MYT1: variants seen among roughly 807,000 people sequenced by gnomAD.
MYT1 encodes myelin transcription factor 1.
A neutral mutation model predicts 123.0 loss-of-function variants in MYT1; 23 were observed. The observed-to-expected ratio is 0.19, with a 90% CI of 0.13 to 0.26. The LOEUF (loss-of-function observed/expected upper bound fraction) is 0.26, where lower values mean the gene tolerates loss of function less well. MYT1 is among the 10% of genes least tolerant of loss of function. The probability of loss-of-function intolerance (pLI) is 1.00; values close to 1 mark genes in which losing one functional copy is unlikely to be tolerated. For missense variants in MYT1, 1,125 were observed against 1,472.5 expected, an observed-to-expected ratio of 0.76 and a Z score of 3.86; for synonymous variants, 518 against 575.3, an observed-to-expected ratio of 0.90 and a Z score of 1.43.
intron 1 of MYT1, among the ~76,000 whole-genome samples, chr20:64,181,349 C>A (rs1298841515): frequency 6.6e-6 from 1 of 152,120 alleles, no homozygotes; most frequent in Non-Finnish European, 1.5e-5. Context: ...TCTGGAACTC[C>A]CAAATCGGGT....
At position 64,211,270 on chromosome 20, in the gene MYT1, C is replaced by T. The variant is rs1364831863; in HGVS notation, c.1356C>T (p.His452=). Residue 452 remains histidine, a synonymous_variant, in exon 8 of 23, where the codon CAC becomes CAT. Transcript: ENST00000328439. ...CPTPGCDGTG[H]VTGLYPHHRS... The stretch of plus-strand genomic sequence containing the variant: ...CACCAGGCTGTGATGGCACTGGCCA[C>T]GTTACCGGGTTGTACCCTCACCACC... 6.2e-6 allele frequency: 10 copies of T among 1,614,010 alleles called. No homozygotes were observed. The highest frequency in any genetic ancestry group is 4.0e-5 in the African/African-American group (3 of 74,954).
chr20:64,237,494 A>G, intron 21 of MYT1, 104 bp downstream of exon 21: 1 of 873,424 alleles, frequency 1.1e-6, no homozygotes, highest in Non-Finnish European at 1.8e-6. Flanking sequence ...GGTTGCTGTC[A>G]GGGCTGAGCT....
rs776715295 is a variant in MYT1, at chr20:64,213,524, C to T, written c.1518-10C>T. ...GAAGGCTCAGAAACCCCTCCTCTTC[C>T]TTCCTCTAGTTTGTCTGGGTGTCCC... is the stretch of plus-strand genomic sequence containing the variant. On this transcript the variant is annotated splice_polypyrimidine_tract_variant and intron_variant, in intron 9 of 22. Transcript: ENST00000328439. The surrounding 1 kb of genome is among the most constrained non-coding windows in gnomAD (Gnocchi z 5.6). The T allele has an allele frequency of 1.2e-6, 2 of 1,612,368 alleles. No individual in the cohort carries two copies. The highest frequency in any genetic ancestry group is 1.7e-5 in the Admixed American group (1 of 60,022).
In MYT1 at chr20:64,190,884, A is replaced by C. The variant is rs1027141250; in HGVS notation, c.-1+724A>C. On this transcript the variant is annotated intron_variant, in intron 2 of 22. Coordinates refer to ENST00000328439, the MANE Select transcript of MYT1 (RefSeq NM_004535.3). This position sits in a 1 kb window ranked among gnomAD's most constrained non-coding sequence, Gnocchi z 4.1. ...CTGGGGAGGCTGAGGCAGGAGAATC[A>C]CTTGAACCTGGGAGGCAGAGGTTGC... is the stretch of plus-strand genomic sequence containing the variant. Among the ~76,000 whole-genome samples, 2 of 152,070 alleles carry C rather than the reference A, an allele frequency of 1.3e-5. No homozygotes were observed. The highest frequency in any genetic ancestry group is 4.8e-5 in the African/African-American group (2 of 41,402).
chr20:64,234,234 G>A (rs1002074530), intron 19 of MYT1, among the ~76,000 whole-genome samples: 2 of 152,194 alleles, frequency 1.3e-5, no homozygotes, highest in Non-Finnish European at 1.5e-5. Flanking sequence ...TATCCGAGGA[G>A]TGATCTGTGA....
chr20:64,211,637 G>C (rs554635546), intron 8 of MYT1, among the ~76,000 whole-genome samples: 1 of 152,394 alleles, frequency 6.6e-6, no homozygotes, highest in South Asian at 2.1e-4. Flanking sequence ...TGCCATCCAA[G>C]CTGGGAAGGG....
At position 64,202,074 on chromosome 20, in the gene MYT1, G is replaced by GTCGGGAACCC. The variant is rs1555812043; in HGVS notation, c.86+2152_86+2153insTCGGGAACCC. On this transcript the variant is annotated intron_variant, in intron 4 of 22. Coordinates refer to ENST00000328439, the MANE Select transcript of MYT1 (RefSeq NM_004535.3). The surrounding 1 kb of genome is among the most constrained non-coding windows in gnomAD (Gnocchi z 5.0). Reference sequence around the variant, plus strand: ...CTCTGCGTGTCGGGAACCCCTGTGTGCAGGACTTTCTCTGTGGATGACTTA... The same window carrying GTCGGGAACCC: ...CTCTGCGTGTCGGGAACCCCTGTGTGTCGGGAACCCCAGGACTTTCTCTGTGGATGACTTA... Among the ~76,000 whole-genome samples, 1 of 151,946 alleles carries GTCGGGAACCC rather than the reference G, an allele frequency of 6.6e-6. No individual in the cohort carries two copies. The highest frequency in any genetic ancestry group is 2.4e-5 in the African/African-American group (1 of 41,344).
chr20:64,179,734 T>C (rs1982582607), intron 1 of MYT1, among the ~76,000 whole-genome samples: 1 of 151,918 alleles, frequency 6.6e-6, no homozygotes, highest in Admixed American at 6.6e-5. Context: ...AAAATGGTGT[T>C]AGCCTGAGAC....
At chr20:64,217,323 T>A in intron 11 of MYT1, 42 bp downstream of exon 11, 1 of 1,597,166 alleles carries the variant, frequency 6.3e-7, no homozygotes, top group Non-Finnish European at 8.6e-7. Flanking sequence ...TCTGTGTTGC[T>A]CCTGGGAGGG....
chr20:64,187,678 A>G (rs1982853428), intron 1 of MYT1, among the ~76,000 whole-genome samples: 1 of 152,276 alleles, frequency 6.6e-6, no homozygotes, highest in African/African-American at 2.4e-5. Flanking sequence ...AGGCCCCAGT[A>G]GGGGACCAAG....
Position 64,232,357 on chromosome 20 carries a change from G to T in MYT1, c.2869G>T (p.Ala957Ser). The T allele has an allele frequency of 3.1e-6, 5 of 1,613,008 alleles. No homozygotes were observed. Among genetic ancestry groups the T allele is most frequent in the Non-Finnish European group, 4.2e-6 (5 of 1,179,984 alleles). ...CCCGGGCTGTGACGGCTCTGGCCAC[G>T]CCAATGGGAGTTTCCTCACCCACCG... ...PTPGCDGSGH[A>S]NGSFLTHRSL... Residue 957 changes from alanine to serine, a missense_variant, in exon 19 of 23, where the codon GCC becomes TCC. This residue lies in a region of MYT1 where 243 missense variants were observed against 323.1 expected (regional missense o/e 0.75). Transcript: ENST00000328439. This position sits in a 1 kb window ranked among gnomAD's most constrained non-coding sequence, Gnocchi z 6.9.
chr20:64,232,330 A>C lies in MYT1; in HGVS notation c.2842A>C (p.Thr948Pro). ...SLKNEGPTCP[T>P]PGCDGSGHAN... ...GAAGAATGAAGGACCGACCTGCCCC[A>C]CCCCGGGCTGTGACGGCTCTGGCCA... is the stretch of plus-strand genomic sequence containing the variant. Residue 948 changes from threonine (T) to proline (P), a missense_variant, in exon 19 of 23, where the codon ACC (threonine) becomes CCC (proline). Thr to Pro is a conservative substitution (Grantham distance 38). Transcript: ENST00000328439. The surrounding 1 kb of genome is among the most constrained non-coding windows in gnomAD (Gnocchi z 6.9). 6.2e-7 allele frequency: 1 copy of C among 1,612,500 alleles called. No individual in the cohort carries two copies. The highest frequency in any genetic ancestry group is 8.5e-7 in the Non-Finnish European group (1 of 1,179,896).
At chr20:64,195,929 A>T (rs1983105097) in intron 2 of MYT1, among the ~76,000 whole-genome samples, 1 of 152,304 alleles carries the variant, frequency 6.6e-6, no homozygotes, top group African/African-American at 2.4e-5. Flanking sequence ...TGGTTTTCCT[A>T]TCGAAGGCAG....
intron 6 of MYT1, 21 bp downstream of exon 6, chr20:64,205,821 C>G: frequency 1.2e-6 from 2 of 1,610,858 alleles, no homozygotes; most frequent in Non-Finnish European, 1.7e-6. Flanking sequence ...GCTCTTTCTT[C>G]CCCGAATAAA....
rs1982904612 is a variant in MYT1, at chr20:64,189,406, CA to C, written c.-98-656del. Among the ~76,000 whole-genome samples the C allele has an allele frequency of 6.6e-6, 1 of 152,184 alleles. No individual in the cohort carries two copies. Among genetic ancestry groups the C allele is most frequent in the Non-Finnish European group, 1.5e-5 (1 of 68,040 alleles). On this transcript the variant is annotated intron_variant, in intron 1 of 22. Coordinates refer to ENST00000328439, the MANE Select transcript of MYT1 (RefSeq NM_004535.3). The surrounding 1 kb of genome is among the most constrained non-coding windows in gnomAD (Gnocchi z 5.5). ...CTGATGCGTTCAGCCTCTGCTCAGACATGGGAATTTATGTGAGGAATTAAAT... is the reference window on the plus strand; with the variant it reads ...CTGATGCGTTCAGCCTCTGCTCAGACTGGGAATTTATGTGAGGAATTAAAT...
rs1198503355 is a variant in MYT1 at position 64,223,483 on chromosome 20, C to T, written c.2528+124C>T. ...CAAGCCTCAGCTGGCCCCAGCTCTC[C>T]TGAGATGGGCAGAGGGGCAGGGCCG... On this transcript the variant is annotated intron_variant, in intron 16 of 22. Transcript: ENST00000328439. 18 of 1,089,504 alleles carry T rather than the reference C, an allele frequency of 1.7e-5. No individual in the cohort carries two copies. The East Asian group carries it at 4.2e-4, about 26-fold the overall frequency. The allele number at this position is 1,089,504 out of a possible 1,614,324, so 67.5% of individuals were successfully genotyped here.
Position 64,212,632 on chromosome 20 carries a change from T to C in MYT1, c.1517+494T>C, listed in dbSNP as rs1273860803. ...GTCCTACCCACATTCAGAAAACCTCTGCACACTGGCTCTTGCTCCTGAGTG... is the reference window on the plus strand; with the variant it reads ...GTCCTACCCACATTCAGAAAACCTCCGCACACTGGCTCTTGCTCCTGAGTG... On this transcript the variant is annotated intron_variant, in intron 9 of 22. Transcript: ENST00000328439. The surrounding 1 kb of genome is among the most constrained non-coding windows in gnomAD (Gnocchi z 6.8). 6.6e-6 allele frequency among the ~76,000 whole-genome samples: 1 copy of C among 152,302 alleles called. No homozygotes were observed. The highest frequency in any genetic ancestry group is 3.4e-3 in the Middle Eastern group (1 of 294).
intron 6 of MYT1, 133 bp downstream of exon 6, chr20:64,205,933 A>G: frequency 7.1e-7 from 1 of 1,404,474 alleles, no homozygotes; most frequent in Admixed American, 2.4e-5. Context: ...GTCTTGTCCC[A>G]ACATGTGCTG....
chr20:64,221,059 C>T (rs545364536), intron 13 of MYT1, among the ~76,000 whole-genome samples: 4 of 152,290 alleles, frequency 2.6e-5, no homozygotes, highest in South Asian at 2.1e-4. Flanking sequence ...TCCAATTATC[C>T]GAAGACTGTT....
Sources: allele counts gnomAD v4.1 joint callset (sites outside exome capture counted in the v4.1 genomes callset), GRCh38; gene constraint gnomAD v4.1.1; regional missense constraint gnomAD v4.1.1; non-coding constraint Gnocchi (gnomAD v3.1); transcripts MANE v1.5; gene names NCBI Gene and HGNC (gene_info 2026-07-23, HGNC 2026-07-21).